CACNG4: variants seen among roughly 807,000 people sequenced by gnomAD.
The protein encoded by CACNG4 is calcium voltage-gated channel auxiliary subunit gamma 4.
CACNG4 carries 8 observed loss-of-function variants against 22.9 expected under a neutral mutation model. That is an observed-to-expected ratio of 0.35 (90% CI 0.21 to 0.63). The LOEUF is 0.63. Among genes scored for constraint, CACNG4 ranks in the 30% least tolerant of loss-of-function variants. The pLI is 0.72. For synonymous variants in CACNG4, 188 were observed against 191.9 expected (o/e 0.98, Z 0.17); for missense variants, 357 against 455.4 (o/e 0.78, Z 1.97).
chr17:66,980,305 G>A (rs1418505690), intron 1 of CACNG4, among the ~76,000 whole-genome samples: 1 of 152,120 alleles, frequency 6.6e-6, no homozygotes, highest in Admixed American at 6.5e-5. Flanking sequence ...AAGTGAGAAG[G>A]AAATAAAACC....
chr17:66,980,007 G>T (rs1210344086), intron 1 of CACNG4, among the ~76,000 whole-genome samples: 1 of 152,094 alleles, frequency 6.6e-6, no homozygotes, highest in African/African-American at 2.4e-5. Context: ...GCCCACCTCG[G>T]CCTCCCAAAG....
chr17:67,031,962 G>A lies in CACNG4; in HGVS notation c.*958G>A. ...TTCTGTGCAAGAAAGGGAGACCTAA[G>A]GGTGAACAGTGGCCAATAAAAACCC... On this transcript the variant is annotated 3_prime_UTR_variant, in exon 4 of 4. Coordinates refer to ENST00000262138, the MANE Select transcript of CACNG4 (RefSeq NM_014405.4). The surrounding 1 kb of genome is among the most constrained non-coding windows in gnomAD (Gnocchi z 4.0). 1 of 456,748 alleles carries A rather than the reference G, an allele frequency of 2.2e-6. No individual in the cohort carries two copies. Among genetic ancestry groups the A allele is most frequent in the Non-Finnish European group, 4.4e-6 (1 of 226,990 alleles). The allele number at this position is 456,748 out of a possible 1,614,324, so 28.3% of individuals were successfully genotyped here.
intron 1 of CACNG4, among the ~76,000 whole-genome samples, chr17:66,994,332 A>C (rs569143476): frequency 3.3e-5 from 5 of 151,384 alleles, no homozygotes; most frequent in South Asian, 2.1e-4. Context: ...ATTTCCAAAA[A>C]AAAAAAAAAA....
At chr17:67,025,252 C>A (rs949491060) in intron 3 of CACNG4, among the ~76,000 whole-genome samples, 1 of 152,222 alleles carries the variant, frequency 6.6e-6, no homozygotes, top group Non-Finnish European at 1.5e-5. Context: ...ATTTTGAATG[C>A]GCCAAAAGCC....
rs144635948 is a variant in CACNG4 at position 67,031,156 on chromosome 17, C to T, written c.*152C>T. ...AGAGGTGGCGTGGGCTGGCTTTGCACGAAGGTTGTGCTGGGAGACCGGACC... is the reference window on the plus strand; with the variant it reads ...AGAGGTGGCGTGGGCTGGCTTTGCATGAAGGTTGTGCTGGGAGACCGGACC... On this transcript the variant is annotated 3_prime_UTR_variant, in exon 4 of 4. Transcript: ENST00000262138. The surrounding 1 kb of genome is among the most constrained non-coding windows in gnomAD (Gnocchi z 4.0). 31 of 821,018 alleles carry T rather than the reference C, an allele frequency of 3.8e-5. No individual in the cohort carries two copies. Among genetic ancestry groups the T allele is most frequent in the South Asian group, 5.2e-5 (3 of 58,046 alleles). 50.9% of individuals were successfully genotyped at this position (821,018 alleles called of 1,614,324 possible).
At chr17:67,025,566 GC>G (rs201260821) in intron 3 of CACNG4, among the ~76,000 whole-genome samples, 2,167 of 152,360 alleles carry the variant, frequency 0.014, 56 homozygotes, top group African/African-American at 0.048. Flanking sequence ...GGCAGAGCAG[GC>G]GGCCCCCGCC....
intron 2 of CACNG4, among the ~76,000 whole-genome samples, chr17:67,018,652 G>A (rs1301175350): frequency 6.6e-6 from 1 of 152,044 alleles, no homozygotes; most frequent in East Asian, 1.9e-4. Flanking sequence ...CTCCCTGAGG[G>A]GTGTGGCTCT....
At chr17:67,011,452 G>A (rs2035467381) in intron 1 of CACNG4, among the ~76,000 whole-genome samples, 1 of 152,112 alleles carries the variant, frequency 6.6e-6, no homozygotes, top group Admixed American at 6.5e-5. Context: ...CTTCACTCAT[G>A]GCGCCACCTA....
At chr17:67,026,123 A>AGGAGTGTGGTGTGTGTG (rs1472542842) in intron 3 of CACNG4, among the ~76,000 whole-genome samples, 3 of 138,816 alleles carry the variant, frequency 2.2e-5, no homozygotes, top group African/African-American at 8.3e-5. Context: ...GTGTGTGTGT[A>AGGAGTGTGGTGTGTGTG]TTTGAGGACT....
chr17:66,974,820 T>C lies in CACNG4; in HGVS notation c.220+9689T>C, dbSNP rs58473159. On this transcript the variant is annotated intron_variant, in intron 1 of 3. Coordinates refer to ENST00000262138, the MANE Select transcript of CACNG4 (RefSeq NM_014405.4). ...CTCTGCAGGCTTTTCCCAGGGTCTA[T>C]CTGGAGTTGGGCTTGAGTCAAACCC... is the stretch of plus-strand genomic sequence containing the variant. Among the ~76,000 whole-genome samples, 1,304 of 152,276 alleles carry C rather than the reference T, an allele frequency of 8.6e-3. 26 individuals carry two copies. The highest frequency in any genetic ancestry group is 0.03 in the African/African-American group (1,258 of 41,546).
intron 1 of CACNG4, among the ~76,000 whole-genome samples, chr17:67,000,805 C>T (rs1211622988): frequency 6.6e-6 from 1 of 152,188 alleles, no homozygotes; most frequent in Admixed American, 6.5e-5. Flanking sequence ...CCTTTCTGCT[C>T]CAAGTCAGCA....
rs546560106 is a variant in CACNG4, at chr17:67,014,631, T to A, written c.221-3558T>A. 3.5e-4 allele frequency among the ~76,000 whole-genome samples: 53 copies of A among 150,778 alleles called. 2 individuals carry two copies. The South Asian group carries it at 0.011, about 31-fold the overall frequency. On this transcript the variant is annotated intron_variant, in intron 1 of 3. Coordinates refer to ENST00000262138, the MANE Select transcript of CACNG4 (RefSeq NM_014405.4). ...AGGAGGGAGCCAGGGAGAAGGCACT[T>A]GAAACCGCCAGTAAAAAAATGGTAG...
intron 1 of CACNG4, among the ~76,000 whole-genome samples, chr17:66,985,132 G>A (rs938764829): frequency 7.2e-5 from 11 of 152,074 alleles, no homozygotes; most frequent in African/African-American, 2.7e-4. Flanking sequence ...GCTCTGGGGG[G>A]CTCCCACCAC....
At chr17:67,018,336 G>T (rs1228094450) in intron 2 of CACNG4, 64 bp downstream of exon 2, 2 of 1,232,578 alleles carry the variant, frequency 1.6e-6, no homozygotes, top group East Asian at 4.6e-5. Context: ...GAAGGCGGCC[G>T]GAGGAAAGAG....
chr17:67,006,915 C>G (rs1385758714), intron 1 of CACNG4, among the ~76,000 whole-genome samples: 1 of 151,796 alleles, frequency 6.6e-6, no homozygotes, highest in East Asian at 1.9e-4. Context: ...TGGCTTACAC[C>G]TGTAATTCCA....
At chr17:67,011,266 G>T in intron 1 of CACNG4, among the ~76,000 whole-genome samples, 1 of 152,086 alleles carries the variant, frequency 6.6e-6, no homozygotes, top group East Asian at 1.9e-4. Flanking sequence ...TTCTAGTGTT[G>T]CCTGGAGAGA....
intron 1 of CACNG4, among the ~76,000 whole-genome samples, chr17:66,999,606 C>G (rs910423315): frequency 2.6e-5 from 4 of 152,140 alleles, no homozygotes; most frequent in Non-Finnish European, 5.9e-5. Flanking sequence ...ACTTATAAAA[C>G]CATCAGATCT....
chr17:67,010,808 GC>G (rs1442233883), intron 1 of CACNG4, among the ~76,000 whole-genome samples: 1 of 152,162 alleles, frequency 6.6e-6, no homozygotes, highest in Non-Finnish European at 1.5e-5. Context: ...GTGGGAGAGG[GC>G]CAGGTCCTGA....
At chr17:66,965,195 CGCGCGCGCGCGCGCGCGCACACACACACA>C in intron 1 of CACNG4, 64 bp downstream of exon 1, 1 of 540,302 alleles carries the variant, frequency 1.9e-6, no homozygotes, top group Non-Finnish European at 2.7e-6. Context: ...CATATACACA[CGCGCGCGCGCGCGCGCGCACACACACACA>C]CGCGCACACA....
Sources: gnomAD v4.1 joint callset for allele counts (sites outside exome capture counted in the v4.1 genomes callset) on GRCh38, gnomAD v4.1.1 for gene constraint, Gnocchi (gnomAD v3.1) non-coding constraint, MANE v1.5 for transcripts, NCBI Gene and HGNC (gene_info 2026-07-23, HGNC 2026-07-21) for gene names.